PLAAT4: variants seen among roughly 807,000 people sequenced by gnomAD.
PLAAT4 encodes HRAS-like suppressor 4.
A neutral mutation model predicts 14.1 loss-of-function variants in PLAAT4; 12 were observed. That is an observed-to-expected ratio of 0.85 (90% CI 0.54 to 1.37). The LOEUF (loss-of-function observed/expected upper bound fraction) is 1.37. PLAAT4 is among the 40% of genes most tolerant of loss of function. The pLI, the probability that PLAAT4 is intolerant of heterozygous loss-of-function variation, is 0.00. For missense variants in PLAAT4, 163 were observed against 211.7 expected (o/e 0.77, Z 1.43); for synonymous variants, 77 against 79.8 (o/e 0.96, Z 0.19).
chr11:63,545,065 G>A, intron 3 of PLAAT4, 176 bp downstream of exon 3: 1 of 879,400 alleles, frequency 1.1e-6, no homozygotes, highest in Non-Finnish European at 1.8e-6. Flanking sequence ...GAGGGTCTTT[G>A]GACAGTTCCC....
intron 3 of PLAAT4, among the ~76,000 whole-genome samples, chr11:63,545,781 G>T (rs1278140950): frequency 6.6e-6 from 1 of 152,058 alleles, no homozygotes; most frequent in African/African-American, 2.4e-5. Flanking sequence ...ATAGTCCCCA[G>T]TCTGGCCCCT....
rs746804956 is a variant in PLAAT4 at position 63,546,133 on chromosome 11, G to T, written c.388-16G>T. The T allele has an allele frequency of 1.2e-6, 2 of 1,608,974 alleles. No homozygotes were observed. The highest frequency in any genetic ancestry group is 2.7e-5 in the African/African-American group (2 of 74,804). On this transcript the variant is annotated splice_polypyrimidine_tract_variant and intron_variant, in intron 3 of 3. Coordinates refer to ENST00000255688, the MANE Select transcript of PLAAT4 (RefSeq NM_004585.5). Reference sequence around the variant, plus strand: ...GGCTTGCCGTGAACGCTCAACAAAAGCTGCTTGCTTTGCAGGTGGAAAAGG... The same window carrying T: ...GGCTTGCCGTGAACGCTCAACAAAATCTGCTTGCTTTGCAGGTGGAAAAGG...
At chr11:63,546,120 A>G in intron 3 of PLAAT4, 29 bp from the exon 4 acceptor site, 1 of 1,589,434 alleles carries the variant, frequency 6.3e-7, no homozygotes, top group African/African-American at 1.3e-5. Context: ...CTTGCCGTGA[A>G]CGCTCAACAA....
Position 63,544,882 on chromosome 11 carries a change from G to A in PLAAT4, c.380G>A (p.Cys127Tyr). 1 of 1,614,242 alleles carries A rather than the reference G, an allele frequency of 6.2e-7. No individual in the cohort carries two copies. Among genetic ancestry groups the A allele is most frequent in the Non-Finnish European group, 8.5e-7 (1 of 1,180,052 alleles). ...CAGCTGAGATATGGCAAGTCCCGCT[G>A]TAAACAGGTAAGGACCTCTCTGGAT... ...VTQLRYGKSR[C>Y]KQVEKAKVEV... is the part of the protein sequence containing the mutation. The change falls in exon 3 of 4, where the codon TGT (cysteine) becomes TAT (tyrosine). Residue 127 changes from cysteine to tyrosine, a missense_variant. Transcript: ENST00000255688.
intron 2 of PLAAT4, among the ~76,000 whole-genome samples, chr11:63,539,883 C>G (rs1177522493): frequency 6.6e-6 from 1 of 152,204 alleles, no homozygotes; most frequent in Non-Finnish European, 1.5e-5. Flanking sequence ...ATCACTTGAT[C>G]CCCGGAGGCA....
chr11:63,539,443 G>A, intron 1 of PLAAT4, 73 bp from the exon 2 acceptor site: 4 of 1,258,528 alleles, frequency 3.2e-6, no homozygotes, highest in Non-Finnish European at 4.6e-6. Context: ...AGGATGAGCT[G>A]CAGCTCCCCC....
intron 2 of PLAAT4, among the ~76,000 whole-genome samples, chr11:63,543,259 G>A (rs1450652526): frequency 6.6e-6 from 1 of 152,250 alleles, no homozygotes; most frequent in Non-Finnish European, 1.5e-5. Flanking sequence ...TGAGAGGCAG[G>A]TGAGTGAGCA....
intron 1 of PLAAT4, among the ~76,000 whole-genome samples, chr11:63,537,895 C>T (rs1003156029): frequency 1.3e-5 from 2 of 152,190 alleles, no homozygotes; most frequent in East Asian, 3.9e-4. Flanking sequence ...AGCTCACAGC[C>T]CAGAGGGGCA....
At position 63,546,286 on chromosome 11, in the gene PLAAT4, G is replaced by T; in HGVS notation, c.*30G>T. On this transcript the variant is annotated 3_prime_UTR_variant, in exon 4 of 4. Coordinates refer to ENST00000255688, the MANE Select transcript of PLAAT4 (RefSeq NM_004585.5). ...GCCACAAAATCCTGTGTTAGAAGCA[G>T]CTGTGGGGGTCCCAGTGGAGATGAG... 6.2e-7 allele frequency: 1 copy of T among 1,603,018 alleles called. No homozygotes were observed. Among genetic ancestry groups the T allele is most frequent in the Non-Finnish European group, 8.5e-7 (1 of 1,169,936 alleles).
At chr11:63,542,843 AC>A (rs1416589449) in intron 2 of PLAAT4, among the ~76,000 whole-genome samples, 1 of 152,194 alleles carries the variant, frequency 6.6e-6, no homozygotes, top group Non-Finnish European at 1.5e-5. Context: ...TTGGTTTCCT[AC>A]AAGATCTAAC....
In PLAAT4 at chr11:63,546,346, C is replaced by A; in HGVS notation, c.*90C>A. 8.4e-7 allele frequency: 1 copy of A among 1,190,174 alleles called. No individual in the cohort carries two copies. Among genetic ancestry groups the A allele is most frequent in the Non-Finnish European group, 1.2e-6 (1 of 801,572 alleles). 73.7% of individuals were successfully genotyped at this position (1,190,174 alleles called of 1,614,324 possible). On this transcript the variant is annotated 3_prime_UTR_variant, in exon 4 of 4. Transcript: ENST00000255688. Reference sequence around the variant, plus strand: ...TGCCTCCAGCAGCCTGACCCTCGTGCCCTGTCTCAGGCGTTCTCTAGATCC... The same window carrying A: ...TGCCTCCAGCAGCCTGACCCTCGTGACCTGTCTCAGGCGTTCTCTAGATCC...
rs767515083 is a variant in PLAAT4 at position 63,544,673 on chromosome 11, T to C, written c.171T>C (p.Ser57=). 12 of 1,613,970 alleles carry C rather than the reference T, an allele frequency of 7.4e-6. No homozygotes were observed. The highest frequency in any genetic ancestry group is 9.3e-6 in the Non-Finnish European group (11 of 1,180,028). ...SSSVFSVLSN[S]AEVKRERLED... is the part of the protein sequence containing the mutation. Reference sequence around the variant, plus strand: ...GTGTCTTCTCAGTCCTGAGCAACAGTGCAGAGGTGAAACGGGAGCGCCTGG... The same window carrying C: ...GTGTCTTCTCAGTCCTGAGCAACAGCGCAGAGGTGAAACGGGAGCGCCTGG... Residue 57 remains serine, a synonymous_variant, in exon 3 of 4, where the codon AGT becomes AGC. Coordinates refer to ENST00000255688, the MANE Select transcript of PLAAT4 (RefSeq NM_004585.5).
intron 2 of PLAAT4, 66 bp downstream of exon 2, chr11:63,539,690 G>T (rs746806326): frequency 1.1e-5 from 14 of 1,260,182 alleles, no homozygotes; most frequent in Non-Finnish European, 1.6e-5. Flanking sequence ...GGCCGGGCAC[G>T]GTGGCTCATG....
chr11:63,539,395 T>G (rs1440564529), intron 1 of PLAAT4, 121 bp from the exon 2 acceptor site: 1 of 787,084 alleles, frequency 1.3e-6, no homozygotes, highest in African/African-American at 1.7e-5. Flanking sequence ...GAGGATCTCA[T>G]GGGGCTAGCA....
At chr11:63,538,310 C>A (rs2017290163) in intron 1 of PLAAT4, 1 of 339,524 alleles carries the variant, frequency 2.9e-6, no homozygotes, top group African/African-American at 2.2e-5. Flanking sequence ...GGGAAGGCCA[C>A]CATGGGTTCT....
intron 1 of PLAAT4, among the ~76,000 whole-genome samples, chr11:63,538,039 T>A (rs1373984001): frequency 6.6e-6 from 1 of 151,368 alleles, no homozygotes; most frequent in Non-Finnish European, 1.5e-5. Context: ...GCTTCTCAGG[T>A]GAGGGGGTTT....
intron 2 of PLAAT4, among the ~76,000 whole-genome samples, chr11:63,541,568 G>T (rs1590663868): frequency 7.4e-6 from 1 of 134,500 alleles, no homozygotes; most frequent in Admixed American, 7.9e-5. Flanking sequence ...GTCTTACTCT[G>T]CCATCCAGGC....
At chr11:63,545,063 T>G in intron 3 of PLAAT4, 174 bp downstream of exon 3, 4 of 891,272 alleles carry the variant, frequency 4.5e-6, no homozygotes, top group Non-Finnish European at 7.1e-6. Flanking sequence ...CAGAGGGTCT[T>G]TGGACAGTTC....
In PLAAT4 at chr11:63,536,837, A is replaced by G. The variant is rs1159121430; in HGVS notation, c.-32A>G. 6.2e-7 allele frequency: 1 copy of G among 1,604,496 alleles called. No homozygotes were observed. The highest frequency in any genetic ancestry group is 1.3e-5 in the African/African-American group (1 of 74,216). On this transcript the variant is annotated 5_prime_UTR_variant, in exon 1 of 4. Coordinates refer to ENST00000255688, the MANE Select transcript of PLAAT4 (RefSeq NM_004585.5). ...CAGCATAAAAGCTGATCCACAAACA[A>G]GAGGAGCACCAGACCTCCTCTTGGC...
Sources: gnomAD v4.1 joint callset for allele counts (sites outside exome capture counted in the v4.1 genomes callset) on GRCh38, gnomAD v4.1.1 for gene constraint, MANE v1.5 for transcripts, NCBI Gene and HGNC (gene_info 2026-07-23, HGNC 2026-07-21) for gene names.